BOP1: variants seen among roughly 807,000 people sequenced by gnomAD.
The protein encoded by BOP1 is ribosome biogenesis protein BOP1.
A neutral mutation model predicts 82.9 loss-of-function variants in BOP1; 54 were observed. The observed-to-expected ratio is 0.65, with a 90% CI of 0.52 to 0.82. The LOEUF (loss-of-function observed/expected upper bound fraction) is 0.82. Ranked by LOEUF, BOP1 falls within the 40% of genes least tolerant of loss-of-function variation. BOP1 has a pLI of 0.00. For synonymous variants in BOP1, 566 were observed against 451.1 expected (o/e 1.25, Z -3.23); for missense variants, 1,170 against 1,072.0 (o/e 1.09, Z -1.28).
rs1815062346 is a variant in BOP1, at chr8:144,291,229, C to A, written c.99+43G>T. 8 of 1,401,836 alleles carry A rather than the reference C, an allele frequency of 5.7e-6. No individual in the cohort carries two copies. The highest frequency in any genetic ancestry group is 1.4e-5 in the South Asian group (1 of 69,116). 86.8% of individuals were successfully genotyped at this position (1,401,836 alleles called of 1,614,324 possible). On this transcript the variant is annotated intron_variant, in intron 1 of 15. Coordinates refer to ENST00000569669, the MANE Select transcript of BOP1 (RefSeq NM_015201.5). This position sits in a 1 kb window ranked among gnomAD's most constrained non-coding sequence, Gnocchi z 4.1. The stretch of plus-strand genomic sequence containing the variant: ...CCAGCGCGGCCACGTGCCCGCCGGG[C>A]CCTCTAGGGACGCGCCCCGCCGCCC...
chr8:144,274,695 G>A (rs1033365406), intron 3 of BOP1, among the ~76,000 whole-genome samples: 5 of 152,188 alleles, frequency 3.3e-5, no homozygotes, highest in African/African-American at 7.2e-5. Flanking sequence ...ATCCCTGGCC[G>A]GCTTCCTCCC....
At chr8:144,285,044 G>T (rs1814826425) in intron 2 of BOP1, among the ~76,000 whole-genome samples, 1 of 152,202 alleles carries the variant, frequency 6.6e-6, no homozygotes, top group African/African-American at 2.4e-5. Flanking sequence ...GTTGGTTTGG[G>T]GCACACACTT....
chr8:144,269,612 G>C (rs1389352952), intron 3 of BOP1, among the ~76,000 whole-genome samples: 1 of 152,238 alleles, frequency 6.6e-6, no homozygotes, highest in South Asian at 2.1e-4. Context: ...AGTCACAACG[G>C]CAGGTTTCGT....
At chr8:144,279,500 G>A (rs185311689) in intron 2 of BOP1, among the ~76,000 whole-genome samples, 3 of 152,336 alleles carry the variant, frequency 2.0e-5, no homozygotes, top group East Asian at 1.9e-4. Flanking sequence ...TGTGCAGAGA[G>A]GGGCCCAAGG....
At chr8:144,265,141 G>T in intron 3 of BOP1, 70 bp from the exon 4 acceptor site, 1 of 1,558,006 alleles carries the variant, frequency 6.4e-7, no homozygotes, top group Non-Finnish European at 8.7e-7. Context: ...CCGCCCAGGG[G>T]AGCAGGTGAG....
At chr8:144,267,031 G>T in intron 3 of BOP1, 1 of 1,515,516 alleles carries the variant, frequency 6.6e-7, no homozygotes, top group Non-Finnish European at 8.8e-7. Flanking sequence ...CTGCGGCGAC[G>T]GACAGCCCTG....
At position 144,291,402 on chromosome 8, in the gene BOP1, G is replaced by A. The variant is rs1815072269; in HGVS notation, c.-32C>T. The A allele has an allele frequency of 7.9e-6, 9 of 1,146,276 alleles. No homozygotes were observed. The highest frequency in any genetic ancestry group is 1.6e-5 in the African/African-American group (1 of 60,788). 71.0% of individuals were successfully genotyped at this position (1,146,276 alleles called of 1,614,324 possible). Reference sequence around the variant, plus strand: ...CCGCGCGCCGGCCGCCACCCGCACAGCCGCTTCCGACAGCGACCGGGCCGC... The same window carrying A: ...CCGCGCGCCGGCCGCCACCCGCACAACCGCTTCCGACAGCGACCGGGCCGC... On this transcript the variant is annotated 5_prime_UTR_variant, in exon 1 of 16. Coordinates refer to ENST00000569669, the MANE Select transcript of BOP1 (RefSeq NM_015201.5). The surrounding 1 kb of genome is among the most constrained non-coding windows in gnomAD (Gnocchi z 4.1).
At chr8:144,267,351 C>T (rs941320895) in intron 3 of BOP1, among the ~76,000 whole-genome samples, 2 of 152,034 alleles carry the variant, frequency 1.3e-5, no homozygotes, top group Non-Finnish European at 2.9e-5. Flanking sequence ...GGGCTCCTCT[C>T]CAGGGCGTCC....
rs111996539 is a variant in BOP1 at position 144,280,913 on chromosome 8, C to A, written c.310-4609G>T. 5.8e-3 allele frequency among the ~76,000 whole-genome samples: 823 copies of A among 141,066 alleles called. 9 individuals are homozygous for A. Among genetic ancestry groups the A allele is most frequent in the African/African-American group, 0.02 (737 of 36,046 alleles). The allele number at this position is 141,066 out of a possible 152,430, so 92.5% of individuals were successfully genotyped here. On this transcript the variant is annotated intron_variant, in intron 2 of 15. Coordinates refer to ENST00000569669, the MANE Select transcript of BOP1 (RefSeq NM_015201.5). The stretch of plus-strand genomic sequence containing the variant: ...CAGGTCTTCGGCCTTCTCTCACTTT[C>A]ATACCAGGTCTTAGGCCTTCTCTCA...
intron 3 of BOP1, chr8:144,266,836 C>G: frequency 4.6e-6 from 6 of 1,315,006 alleles, no homozygotes; most frequent in Non-Finnish European, 5.9e-6. Context: ...CCGTGAGCCC[C>G]GGCAGCGGCA....
Position 144,291,162 on chromosome 8 carries a change from TG to T in BOP1, c.99+109del. 1.1e-6 allele frequency: 1 copy of T among 918,190 alleles called. No individual in the cohort carries two copies. The highest frequency in any genetic ancestry group is 1.4e-6 in the Non-Finnish European group (1 of 702,596). 56.9% of individuals were successfully genotyped at this position (918,190 alleles called of 1,614,324 possible). A position where few individuals can be genotyped will look rare whatever the true frequency, so the allele number is the denominator to read the frequency against. ...GCACCCACGCCCAAGACCGATTCAC[TG>T]GGCGCGGGCGCCCAGGTGACAGAAG... On this transcript the variant is annotated intron_variant, in intron 1 of 15. Coordinates refer to ENST00000569669, the MANE Select transcript of BOP1 (RefSeq NM_015201.5). This position sits in a 1 kb window ranked among gnomAD's most constrained non-coding sequence, Gnocchi z 4.1.
At chr8:144,273,111 C>A (rs1554837977) in intron 3 of BOP1, among the ~76,000 whole-genome samples, 1 of 152,154 alleles carries the variant, frequency 6.6e-6, no homozygotes. Context: ...AAACCTGAGC[C>A]GAGGCCGCGC....
intron 3 of BOP1, among the ~76,000 whole-genome samples, chr8:144,273,270 GACCACGGGC>G (rs1845521429): frequency 6.6e-6 from 1 of 152,212 alleles, no homozygotes; most frequent in Admixed American, 6.5e-5. Flanking sequence ...GAGCAGAGGG[GACCACGGGC>G]TCTGGACGCA....
intron 2 of BOP1, among the ~76,000 whole-genome samples, chr8:144,285,870 G>C (rs1322582735): frequency 2.0e-5 from 3 of 152,234 alleles, no homozygotes; most frequent in African/African-American, 4.8e-5. Flanking sequence ...GGCGTAAGGA[G>C]CCCTGGACTG....
chr8:144,263,747 G>A lies in BOP1; in HGVS notation c.1236C>T (p.His412=), dbSNP rs914265305. ...PTCQALVYRG[H]SDLVRCLSVS... ...CACTGAGGCACCGGACAAGGTCACTGTGGCCCCTGTAGACCTGAGGAGGCG... is the reference window on the plus strand; with the variant it reads ...CACTGAGGCACCGGACAAGGTCACTATGGCCCCTGTAGACCTGAGGAGGCG... The change falls in exon 10 of 16, where the codon CAC becomes CAT. Residue 412 remains histidine (H), a synonymous_variant. Transcript: ENST00000569669. 13 of 1,581,474 alleles carry A rather than the reference G, an allele frequency of 8.2e-6. No homozygotes were observed. The highest frequency in any genetic ancestry group is 1.4e-5 in the African/African-American group (1 of 73,456).
At chr8:144,268,106 C>G in intron 3 of BOP1, 1 of 1,551,192 alleles carries the variant, frequency 6.4e-7, no homozygotes, top group Non-Finnish European at 8.7e-7. Flanking sequence ...CTCTGCAGAG[C>G]AAGGACCGCG....
rs781803290 is a variant in BOP1, at chr8:144,289,170, G to C, written c.234C>G (p.Asp78Glu). 1.2e-6 allele frequency: 2 copies of C among 1,614,080 alleles called. No homozygotes were observed. Among genetic ancestry groups the C allele is most frequent in the East Asian group, 2.2e-5 (1 of 44,884 alleles). Residue 78 changes from aspartate to glutamate, a missense_variant, in exon 2 of 16, where the codon GAC (aspartate) becomes GAG (glutamate). Asp to Glu is a conservative substitution (Grantham distance 45). Coordinates refer to ENST00000569669, the MANE Select transcript of BOP1 (RefSeq NM_015201.5). ...SDSSEDDDEG[D>E]EEGEDGALDD... is the part of the protein sequence containing the mutation. ...CAAGGGCTCCGTCCTCTCCCTCCTC[G>C]TCGCCTTCGTCATCATCCTCACTGC...
At position 144,263,017 on chromosome 8, in the gene BOP1, C is replaced by A; in HGVS notation, c.1730G>T (p.Arg577Leu). The change falls in exon 13 of 16, where the codon CGC becomes CTC. Residue 577 changes from arginine to leucine, a missense_variant. Physicochemically the swap from Arg to Leu is moderately radical, Grantham distance 102. Coordinates refer to ENST00000569669, the MANE Select transcript of BOP1 (RefSeq NM_015201.5). ...CACTCGCTGCACCTGTCCGTGGCTG[C>A]GGCGGAACGGACTCTGGCTGCGGCG... ...SRRRSQSPFR[R>L]SHGQVQRVAF... is the part of the protein sequence containing the mutation. 6.4e-7 allele frequency: 1 copy of A among 1,561,350 alleles called. No homozygotes were observed. The highest frequency in any genetic ancestry group is 8.6e-7 in the Non-Finnish European group (1 of 1,161,732).
chr8:144,267,065 A>C, intron 3 of BOP1: 1 of 1,441,922 alleles, frequency 6.9e-7, no homozygotes, highest in Non-Finnish European at 9.1e-7. Context: ...GCCTTCTTCC[A>C]CGCGGCGCGC....
Sources: allele counts gnomAD v4.1 joint callset (sites outside exome capture counted in the v4.1 genomes callset), GRCh38; gene constraint gnomAD v4.1.1; non-coding constraint Gnocchi (gnomAD v3.1); transcripts MANE v1.5; gene names NCBI Gene and HGNC (gene_info 2026-07-23, HGNC 2026-07-21).